The following GLIS3 variants were observed in gnomAD, a reference collection of about 807,000 sequenced individuals.
The protein encoded by GLIS3 is zinc finger protein GLIS3.
A neutral mutation model predicts 78.6 loss-of-function variants in GLIS3; 53 were observed. That is an observed-to-expected ratio of 0.67 (90% CI 0.54 to 0.85). The LOEUF (loss-of-function observed/expected upper bound fraction) is 0.85, where lower values mean the gene tolerates loss of function less well. GLIS3 is among the 40% of genes least tolerant of loss of function. GLIS3 has a pLI of 0.00. For synonymous variants in GLIS3, 684 were observed against 509.9 expected (o/e 1.34, Z -4.60); for missense variants, 1,703 against 1,231.1 (o/e 1.38, Z -5.74).
At chr9:3,828,542 T>C (rs1817856428) in intron 10 of GLIS3, 134 bp from the exon 11 acceptor site, 2 of 1,119,252 alleles carry the variant, frequency 1.8e-6, no homozygotes. Flanking sequence ...CTGGGCCCTA[T>C]AGTGAGTCTC....
chr9:4,346,632 G>C (rs1002133603), intron 2 of GLIS3, among the ~76,000 whole-genome samples: 3 of 152,144 alleles, frequency 2.0e-5, no homozygotes, highest in Non-Finnish European at 4.4e-5. Flanking sequence ...TCTCTAGTAG[G>C]ACTAACAAGC....
intron 4 of GLIS3, among the ~76,000 whole-genome samples, chr9:3,964,601 G>C (rs1030026741): frequency 1.3e-5 from 2 of 152,156 alleles, no homozygotes; most frequent in Non-Finnish European, 2.9e-5. Context: ...TTATTCTCCA[G>C]CAGATGATAT....
chr9:4,167,117 C>A (rs1481222853), intron 2 of GLIS3, among the ~76,000 whole-genome samples: 1 of 152,174 alleles, frequency 6.6e-6, no homozygotes, highest in Non-Finnish European at 1.5e-5. Context: ...TAATTAATCC[C>A]AAACCCTCAT....
chr9:4,076,182 T>C (rs1828038320), intron 4 of GLIS3, among the ~76,000 whole-genome samples: 1 of 152,222 alleles, frequency 6.6e-6, no homozygotes, highest in South Asian at 2.1e-4. Context: ...CTGTAGAGTG[T>C]AGGAAGACTT....
the GLIS3 span, among the ~76,000 whole-genome samples, chr9:4,460,643 G>C: frequency 3.5e-5 from 5 of 142,006 alleles, no homozygotes; most frequent in African/African-American, 5.3e-5. Context: ...GCCATCCCAA[G>C]AGGAGCTTAA....
At position 4,118,775 on chromosome 9, in the gene GLIS3, G is replaced by C. The variant is rs778888638; in HGVS notation, c.703C>G (p.Pro235Ala). 1 of 1,612,874 alleles carries C rather than the reference G, an allele frequency of 6.2e-7. No individual in the cohort carries two copies. The highest frequency in any genetic ancestry group is 1.7e-5 in the Admixed American group (1 of 60,022). Residue 235 changes from proline (P) to alanine (A), a missense_variant, in exon 4 of 11, where the codon CCT (proline) becomes GCT (alanine). Transcript: ENST00000381971. The surrounding 1 kb of genome is among the most constrained non-coding windows in gnomAD (Gnocchi z 4.7). ...QEWSQGYRAL[P>A]SLSNHGSQNG... The stretch of plus-strand genomic sequence containing the variant: ...TGAGAGCCGTGGTTGGAGAGCGAAG[G>C]GAGGGCCCTGTAGCCCTGGGACCAC...
At chr9:4,134,791 G>A (rs1453206504) in intron 2 of GLIS3, among the ~76,000 whole-genome samples, 2 of 152,174 alleles carry the variant, frequency 1.3e-5, no homozygotes, top group Non-Finnish European at 2.9e-5. Context: ...TGTCAAAGTA[G>A]AAAGAATAAG....
At chr9:4,075,014 G>C (rs753431935) in intron 4 of GLIS3, among the ~76,000 whole-genome samples, 1 of 151,992 alleles carries the variant, frequency 6.6e-6, no homozygotes, top group Non-Finnish European at 1.5e-5. Flanking sequence ...GACAACAGAC[G>C]TACTCACCAA....
intron 7 of GLIS3, among the ~76,000 whole-genome samples, chr9:3,881,475 C>T (rs926966153): frequency 1.1e-4 from 16 of 152,200 alleles, no homozygotes; most frequent in Non-Finnish European, 7.3e-5. Flanking sequence ...CTGTGCTCTA[C>T]TCTATGGTCC....
intron 4 of GLIS3, among the ~76,000 whole-genome samples, chr9:3,966,099 A>G (rs897272016): frequency 3.9e-5 from 6 of 152,226 alleles, no homozygotes; most frequent in African/African-American, 1.4e-4. Flanking sequence ...CTTAAACTTT[A>G]ATCTAGAGTA....
upstream of GLIS3, among the ~76,000 whole-genome samples, chr9:4,300,725 C>T (rs563443342): frequency 2.6e-5 from 4 of 151,910 alleles, no homozygotes; most frequent in Admixed American, 1.3e-4. Context: ...AGCTCTGACT[C>T]GCCACCGCTT....
the GLIS3 span, among the ~76,000 whole-genome samples, chr9:4,449,990 A>G: frequency 1.3e-5 from 2 of 152,136 alleles, no homozygotes; most frequent in Non-Finnish European, 2.9e-5. Context: ...CTGGAGGGGG[A>G]ATGACTTTGA....
the GLIS3 span, among the ~76,000 whole-genome samples, chr9:4,483,244 G>A: frequency 1.3e-5 from 2 of 152,154 alleles, no homozygotes; most frequent in Admixed American, 1.3e-4. Context: ...AGCAGTTACA[G>A]AGGATTCAGG....
At chr9:4,407,919 A>G in the GLIS3 span, among the ~76,000 whole-genome samples, 1 of 151,658 alleles carries the variant, frequency 6.6e-6, no homozygotes, top group South Asian at 2.1e-4. Context: ...CTCTAAGAGG[A>G]AAAAAAAATC....
chr9:4,479,904 CTTTTTTTT>C, the GLIS3 span, among the ~76,000 whole-genome samples: 3 of 108,716 alleles, frequency 2.8e-5, no homozygotes, highest in Admixed American at 1.1e-4. Context: ...ATTTCTTCTT[CTTTTTTTT>C]TTTTTTTTTT....
At chr9:4,262,809 C>A (rs1825647077) in intron 2 of GLIS3, among the ~76,000 whole-genome samples, 1 of 151,866 alleles carries the variant, frequency 6.6e-6, no homozygotes, top group Non-Finnish European at 1.5e-5. Context: ...CCCTGAAAGC[C>A]CAGCTTTTCA....
chr9:4,304,601 G>T (rs371907718), upstream of GLIS3, among the ~76,000 whole-genome samples: 1 of 152,192 alleles, frequency 6.6e-6, no homozygotes, highest in Non-Finnish European at 1.5e-5. Context: ...GGAAAATAGG[G>T]AACGAGGGTG....
intron 2 of GLIS3, among the ~76,000 whole-genome samples, chr9:4,314,727 A>G (rs1193311325): frequency 1.3e-5 from 2 of 152,240 alleles, no homozygotes; most frequent in African/African-American, 4.8e-5. Flanking sequence ...GCCAGGCAGA[A>G]CTGGGTTTAG....
At chr9:3,909,278 T>C (rs953279279) in intron 6 of GLIS3, among the ~76,000 whole-genome samples, 2 of 152,226 alleles carry the variant, frequency 1.3e-5, no homozygotes, top group African/African-American at 4.8e-5. Flanking sequence ...TTATATTAAT[T>C]ACAATTAATT....
Sources: gnomAD v4.1 joint callset for allele counts (sites outside exome capture counted in the v4.1 genomes callset) on GRCh38, gnomAD v4.1.1 for gene constraint, Gnocchi (gnomAD v3.1) non-coding constraint, MANE v1.5 for transcripts, NCBI Gene and HGNC (gene_info 2026-07-23, HGNC 2026-07-21) for gene names.